Variants in NCKAP5 observed in about 807,000 individuals in gnomAD.
NCKAP5 encodes the protein NCK associated protein 5, also known as nck-associated protein 5.
NCKAP5 carries 92 observed loss-of-function variants against 167.0 expected under a neutral mutation model. That is an observed-to-expected ratio of 0.55 (90% CI 0.47 to 0.66). The LOEUF (loss-of-function observed/expected upper bound fraction) is 0.66, where lower values mean the gene tolerates loss of function less well. Among genes scored for constraint, NCKAP5 ranks in the 30% least tolerant of loss-of-function variants. The pLI is 0.00. For synonymous variants in NCKAP5, 891 were observed against 877.4 expected (o/e 1.02, Z -0.27); for missense variants, 2,378 against 2,315.0 (o/e 1.03, Z -0.56).
intron 6 of NCKAP5, among the ~76,000 whole-genome samples, chr2:133,084,611 C>T (rs151245306): frequency 3.5e-4 from 54 of 152,274 alleles, no homozygotes; most frequent in African/African-American, 1.2e-3. Flanking sequence ...ACCTTAAGCA[C>T]ATCGAAATGG....
chr2:132,735,898 C>T (rs1229357660), intron 16 of NCKAP5, among the ~76,000 whole-genome samples: 2 of 152,120 alleles, frequency 1.3e-5, no homozygotes, highest in Non-Finnish European at 2.9e-5. Context: ...AAGTCTGGAG[C>T]CTTTCTGAAG....
At chr2:132,811,794 T>C (rs188664490) in intron 11 of NCKAP5, among the ~76,000 whole-genome samples, 6 of 152,274 alleles carry the variant, frequency 3.9e-5, no homozygotes, top group Admixed American at 3.9e-4. Flanking sequence ...AGGAAGCGTC[T>C]GGCCCTGTTC....
At chr2:132,758,380 T>A (rs1430625) in intron 16 of NCKAP5, among the ~76,000 whole-genome samples, 103,583 of 151,902 alleles carry the variant, frequency 0.68, 35,496 homozygotes, top group East Asian at 0.86. Context: ...CCAGCCTTTT[T>A]AAAAAATAAA....
the NCKAP5 span, among the ~76,000 whole-genome samples, chr2:133,629,433 T>C: frequency 1.3e-5 from 2 of 151,964 alleles, no homozygotes; most frequent in Non-Finnish European, 2.9e-5. Context: ...CAGTGACATA[T>C]CATCTCATGC....
At chr2:133,022,168 T>G (rs2078551468) in intron 6 of NCKAP5, among the ~76,000 whole-genome samples, 1 of 152,184 alleles carries the variant, frequency 6.6e-6, no homozygotes, top group Admixed American at 6.5e-5. Flanking sequence ...AATATGACTG[T>G]AGGAGACTAG....
chr2:132,712,094 G>A (rs1285015745), intron 19 of NCKAP5, among the ~76,000 whole-genome samples: 1 of 152,090 alleles, frequency 6.6e-6, no homozygotes, highest in Non-Finnish European at 1.5e-5. Flanking sequence ...CACACCCACT[G>A]CCAGTTGGTA....
At chr2:133,613,879 A>C in the NCKAP5 span, among the ~76,000 whole-genome samples, 2 of 152,140 alleles carry the variant, frequency 1.3e-5, no homozygotes, top group Non-Finnish European at 2.9e-5. Flanking sequence ...AAATTAGAAA[A>C]CAGTACTCCT....
intron 17 of NCKAP5, 41 bp from the exon 18 acceptor site, chr2:132,728,993 A>G: frequency 6.2e-7 from 1 of 1,606,552 alleles, no homozygotes; most frequent in East Asian, 2.2e-5. Context: ...ATCACCTTTC[A>G]TCAACATTTT....
intron 8 of NCKAP5, among the ~76,000 whole-genome samples, chr2:132,931,831 AAG>A (rs1696402472): frequency 6.6e-6 from 1 of 152,214 alleles, no homozygotes; most frequent in Non-Finnish European, 1.5e-5. Context: ...CACATGCAAA[AAG>A]AGTTGTGAAA....
At chr2:133,313,133 T>C (rs1681363201) in intron 3 of NCKAP5, among the ~76,000 whole-genome samples, 1 of 152,200 alleles carries the variant, frequency 6.6e-6, no homozygotes, top group Admixed American at 6.5e-5. Flanking sequence ...GATTTTATGT[T>C]GGTTAGATGG....
At chr2:133,531,617 A>G (rs887326044) in intron 2 of NCKAP5, among the ~76,000 whole-genome samples, 1 of 152,194 alleles carries the variant, frequency 6.6e-6, no homozygotes, top group Admixed American at 6.5e-5. Context: ...TGACCAGGGA[A>G]GCAAGTTTTT....
Position 133,342,912 on chromosome 2 carries a change from T to C in NCKAP5, c.70-39802A>G, listed in dbSNP as rs531736829. Among the ~76,000 whole-genome samples the C allele has an allele frequency of 3.5e-4, 54 of 152,242 alleles. No individual in the cohort carries two copies. The Middle Eastern group carries it at 0.014, about 38-fold the overall frequency. ...TGCAGGATGGTGCAACATCTCTCCATGTCACAGCAGTGAGGGACAGGTGAA... is the reference window on the plus strand; with the variant it reads ...TGCAGGATGGTGCAACATCTCTCCACGTCACAGCAGTGAGGGACAGGTGAA... On this transcript the variant is annotated intron_variant, in intron 3 of 19. Coordinates refer to ENST00000409261, the MANE Select transcript of NCKAP5 (RefSeq NM_207363.3).
intron 2 of NCKAP5, among the ~76,000 whole-genome samples, chr2:133,525,607 C>A (rs986984294): frequency 2.0e-5 from 3 of 152,214 alleles, no homozygotes; most frequent in African/African-American, 7.2e-5. Flanking sequence ...AGTAATTTCT[C>A]TCACTATTAA....
chr2:133,187,271 C>T (rs1346783126), intron 5 of NCKAP5, among the ~76,000 whole-genome samples: 1 of 151,960 alleles, frequency 6.6e-6, no homozygotes, highest in Non-Finnish European at 1.5e-5. Flanking sequence ...GAGAGATCTT[C>T]TTTGTACTGA....
At chr2:133,411,634 C>T (rs77706838) in intron 3 of NCKAP5, among the ~76,000 whole-genome samples, 296 of 152,114 alleles carry the variant, frequency 1.9e-3, no homozygotes, top group Non-Finnish European at 3.2e-3. Context: ...TGAAACTGAA[C>T]GGAAAACAGG....
At chr2:133,088,912 A>G (rs1372269065) in intron 6 of NCKAP5, among the ~76,000 whole-genome samples, 1 of 152,200 alleles carries the variant, frequency 6.6e-6, no homozygotes, top group Non-Finnish European at 1.5e-5. Flanking sequence ...CAAGAACATA[A>G]AAGAACACAA....
intron 8 of NCKAP5, among the ~76,000 whole-genome samples, chr2:132,921,266 C>A (rs1224873856): frequency 6.6e-6 from 1 of 152,068 alleles, no homozygotes; most frequent in Non-Finnish European, 1.5e-5. Flanking sequence ...AGGGTATAAT[C>A]CTCCTTCTCT....
At chr2:133,156,712 TCTAACCTGCTTCCTTGCCTC>T (rs2083590648) in intron 5 of NCKAP5, among the ~76,000 whole-genome samples, 1 of 152,154 alleles carries the variant, frequency 6.6e-6, no homozygotes, top group Admixed American at 6.5e-5. Context: ...GTATTAGCAT[TCTAACCTGCTTCCTTGCCTC>T]CTAACCTGCT....
At chr2:132,987,734 C>CT (rs939897197) in intron 7 of NCKAP5, among the ~76,000 whole-genome samples, 4 of 152,160 alleles carry the variant, frequency 2.6e-5, no homozygotes, top group African/African-American at 7.2e-5. Flanking sequence ...GATCACTATA[C>CT]TTAACCTCTC....
Sources: allele counts gnomAD v4.1 joint callset (sites outside exome capture counted in the v4.1 genomes callset), GRCh38; gene constraint gnomAD v4.1.1; transcripts MANE v1.5; gene names NCBI Gene and HGNC (gene_info 2026-07-23, HGNC 2026-07-21).